Variants in ALPK1 observed in about 807,000 individuals in gnomAD.
ALPK1 encodes the protein alpha-protein kinase 1.
A neutral mutation model predicts 120.6 loss-of-function variants in ALPK1; 110 were observed. The ratio of observed to expected loss-of-function variants is 0.91; its 90% CI spans 0.78 to 1.07. The LOEUF (loss-of-function observed/expected upper bound fraction) is 1.07, where lower values mean the gene tolerates loss of function less well. ALPK1 is among the 50% of genes least tolerant of loss of function. The pLI is 0.00. For synonymous variants in ALPK1, 582 were observed against 560.3 expected (o/e 1.04, Z -0.55); for missense variants, 1,498 against 1,483.9 (o/e 1.01, Z -0.16).
At chr4:112,302,729 A>AAAGC (rs1366925215) in intron 1 of ALPK1, among the ~76,000 whole-genome samples, 2 of 119,982 alleles carry the variant, frequency 1.7e-5, no homozygotes, top group East Asian at 2.9e-4. Flanking sequence ...TATCCTGAAA[A>AAAGC]AAGCAAGCAA....
intron 9 of ALPK1, chr4:112,428,249 A>AAG (rs1476631911): frequency 6.6e-6 from 1 of 152,576 alleles, no homozygotes; most frequent in East Asian, 1.9e-4. Context: ...CACAACCAGT[A>AAG]AGAGAGAGAA....
chr4:112,393,823 T>C (rs970354903), intron 4 of ALPK1, among the ~76,000 whole-genome samples: 1 of 152,192 alleles, frequency 6.6e-6, no homozygotes, highest in African/African-American at 2.4e-5. Context: ...TTTCCAAACA[T>C]TTTCTCTTCC....
chr4:112,360,260 T>G (rs1030385005), intron 2 of ALPK1, among the ~76,000 whole-genome samples: 1 of 152,202 alleles, frequency 6.6e-6, no homozygotes, highest in African/African-American at 2.4e-5. Flanking sequence ...GATTTCCTTC[T>G]ATTTTAAGGC....
At chr4:112,418,072 C>T (rs1733819086) in intron 5 of ALPK1, among the ~76,000 whole-genome samples, 1 of 152,096 alleles carries the variant, frequency 6.6e-6, no homozygotes. Flanking sequence ...CTAAAGCGTG[C>T]AGGATAGCAT....
At chr4:112,366,116 A>G (rs546746456) in intron 2 of ALPK1, among the ~76,000 whole-genome samples, 2 of 152,296 alleles carry the variant, frequency 1.3e-5, no homozygotes, top group South Asian at 4.1e-4. Flanking sequence ...AGAAGATAAC[A>G]TTGGAAAAAT....
chr4:112,405,827 G>A (rs995301382), intron 4 of ALPK1, among the ~76,000 whole-genome samples: 2 of 151,948 alleles, frequency 1.3e-5, no homozygotes, highest in South Asian at 2.1e-4. Flanking sequence ...CACCCGCCTC[G>A]GCCTCCTAAT....
At chr4:112,433,340 G>A (rs1277172330) in intron 11 of ALPK1, among the ~76,000 whole-genome samples, 1 of 152,180 alleles carries the variant, frequency 6.6e-6, no homozygotes, top group Non-Finnish European at 1.5e-5. Context: ...GAAGGGGGAA[G>A]GGTTTCTCTG....
intron 2 of ALPK1, chr4:112,357,392 A>C: frequency 1.4e-6 from 1 of 692,376 alleles, no homozygotes; most frequent in Non-Finnish European, 2.6e-6. Context: ...TAAAGTGCAC[A>C]TCCATCCTGA....
intron 3 of ALPK1, among the ~76,000 whole-genome samples, chr4:112,381,934 T>A (rs1731928817): frequency 6.6e-6 from 1 of 152,218 alleles, no homozygotes; most frequent in Admixed American, 6.5e-5. Flanking sequence ...TCAAATGTAG[T>A]CCATATCGAA....
At position 112,321,598 on chromosome 4, in the gene ALPK1, T is replaced by C. The variant is rs1578462032; in HGVS notation, c.-101+5746T>C. On this transcript the variant is annotated intron_variant, in intron 2 of 15. Transcript: ENST00000650871. ...TTAAATTTCCACCTTGATTTTATTG[T>C]TGACCCAACAATCATTCAGGAGCAG... is the stretch of plus-strand genomic sequence containing the variant. Among the ~76,000 whole-genome samples, 6 of 152,354 alleles carry C rather than the reference T, an allele frequency of 3.9e-5. 2 individuals are homozygous for C. The South Asian group carries it at 1.2e-3, about 32-fold the overall frequency.
chr4:112,357,047 G>T, intron 2 of ALPK1: 1 of 878,388 alleles, frequency 1.1e-6, no homozygotes. Context: ...CACCAGCTCA[G>T]GGCTGAACAT....
chr4:112,346,638 C>A (rs1730115108), intron 2 of ALPK1, among the ~76,000 whole-genome samples: 1 of 152,246 alleles, frequency 6.6e-6, no homozygotes, highest in African/African-American at 2.4e-5. Flanking sequence ...ACTCTTTCCC[C>A]ATGTGGGGCA....
chr4:112,379,038 A>G (rs1363253593), intron 3 of ALPK1, among the ~76,000 whole-genome samples: 1 of 152,200 alleles, frequency 6.6e-6, no homozygotes, highest in African/African-American at 2.4e-5. Flanking sequence ...CTTGGCACCT[A>G]TAGAATATGC....
intron 2 of ALPK1, chr4:112,359,178 C>T: frequency 1.6e-6 from 1 of 623,822 alleles, no homozygotes; most frequent in Non-Finnish European, 2.9e-6. Context: ...CCACCTGTCC[C>T]CCAGGCCACC....
At chr4:112,376,184 T>A (rs1731650892) in intron 2 of ALPK1, among the ~76,000 whole-genome samples, 1 of 152,186 alleles carries the variant, frequency 6.6e-6, no homozygotes, top group Non-Finnish European at 1.5e-5. Context: ...TACCAAAAAG[T>A]GGCACAGAGA....
chr4:112,422,953 A>G lies in ALPK1; in HGVS notation c.476-991A>G, dbSNP rs962945147. ...GACTTCTGCCACATTCCATTTGTCA[A>G]AACAGGTCACAGGGCCAGTTGTGTT... On this transcript the variant is annotated intron_variant, in intron 5 of 15. Transcript: ENST00000650871. Among the ~76,000 whole-genome samples the G allele has an allele frequency of 3.9e-5, 6 of 152,244 alleles. No homozygotes were observed. The East Asian group carries it at 1.2e-3, about 29-fold the overall frequency.
At chr4:112,405,550 A>G (rs912091689) in intron 4 of ALPK1, among the ~76,000 whole-genome samples, 1 of 152,076 alleles carries the variant, frequency 6.6e-6, no homozygotes, top group Non-Finnish European at 1.5e-5. Flanking sequence ...CAGTGACTTC[A>G]GCCCCAGCTT....
chr4:112,359,665 TG>T, intron 2 of ALPK1: 1 of 233,476 alleles, frequency 4.3e-6, no homozygotes, highest in Non-Finnish European at 8.8e-6. Flanking sequence ...GCAGGGGCCT[TG>T]GGGGAGGATG....
Position 112,310,344 on chromosome 4 carries a change from C to T in ALPK1, c.-152-5457C>T, listed in dbSNP as rs115426389. Among the ~76,000 whole-genome samples the T allele has an allele frequency of 2.4e-3, 359 of 152,224 alleles. 1 individual carries two copies. The highest frequency in any genetic ancestry group is 2.2e-3 in the Non-Finnish European group (149 of 68,034). On this transcript the variant is annotated intron_variant, in intron 1 of 15. Transcript: ENST00000650871. ...TTGTAACATTTGAGAGGCTCCAGATCCTTCCAGATGCCTCCTTTGATTTGG... is the reference window on the plus strand; with the variant it reads ...TTGTAACATTTGAGAGGCTCCAGATTCTTCCAGATGCCTCCTTTGATTTGG...
Sources: allele counts gnomAD v4.1 joint callset (sites outside exome capture counted in the v4.1 genomes callset), GRCh38; gene constraint gnomAD v4.1.1; transcripts MANE v1.5; gene names NCBI Gene and HGNC (gene_info 2026-07-23, HGNC 2026-07-21).